Variants in ATG9B observed in about 807,000 individuals in gnomAD.
ATG9B encodes autophagy-related protein 9B.
In ATG9B, 92 loss-of-function variants were observed where a neutral mutation model predicts 92.9. The observed-to-expected ratio is 0.99, with a 90% CI of 0.84 to 1.18. The LOEUF is 1.18. Ranked by LOEUF, ATG9B falls within the 50% of genes most tolerant of loss-of-function variation. ATG9B has a pLI of 0.00. For synonymous variants in ATG9B, 599 were observed against 551.4 expected (o/e 1.09, Z -1.21); for missense variants, 1,344 against 1,235.0 (o/e 1.09, Z -1.32).
At position 151,016,698 on chromosome 7, in the gene ATG9B, G is replaced by T; in HGVS notation, c.2413C>A (p.Gln805Lys). 6.3e-7 allele frequency: 1 copy of T among 1,596,244 alleles called. No individual in the cohort carries two copies. The highest frequency in any genetic ancestry group is 2.3e-5 in the East Asian group (1 of 44,096). ...GCCTCCACTCCTCACCTGGGGTCCT[G>T]GGCAATTCGGGAAATGGAGGCAAGG... ...SLLASISRIAQDPSSVSPGGT... is the reference protein window; with the variant it reads ...SLLASISRIAKDPSSVSPGGT... The change falls in exon 10 of 14, where the codon CAG (glutamine) becomes AAG (lysine). Residue 805 changes from glutamine (Q) to lysine (K), a missense_variant. Gln to Lys is a moderately conservative substitution (Grantham distance 53). Coordinates refer to ENST00000639579, the MANE Select transcript of ATG9B (RefSeq NM_001317056.2).
In ATG9B at chr7:151,016,267, A is replaced by G. The variant is rs753207105; in HGVS notation, c.2521-32T>C. 1.1e-5 allele frequency: 16 copies of G among 1,476,320 alleles called. No homozygotes were observed. The East Asian group carries it at 2.0e-4, about 18-fold the overall frequency. The allele number at this position is 1,476,320 out of a possible 1,614,324, so 91.5% of individuals were successfully genotyped here. A position where few individuals can be genotyped will look rare whatever the true frequency, so the allele number is the denominator to read the frequency against. On this transcript the variant is annotated intron_variant, in intron 11 of 13. Coordinates refer to ENST00000639579, the MANE Select transcript of ATG9B (RefSeq NM_001317056.2). ...GGAAAGGAGGAGGAATGAGGGCTGC[A>G]CCCCAAGGAGGGCAGGGCCAAGCAC...
In ATG9B at chr7:151,021,344, G is replaced by A. The variant is rs776181173; in HGVS notation, c.822-15C>T. ...TGGAGCGGATCCTGTATGGGGTTGG[G>A]CGGGCAGTGGGGGAGAAAGGTGGGC... On this transcript the variant is annotated splice_polypyrimidine_tract_variant and intron_variant, in intron 4 of 13. Coordinates refer to ENST00000639579, the MANE Select transcript of ATG9B (RefSeq NM_001317056.2). The A allele has an allele frequency of 7.0e-6, 11 of 1,575,700 alleles. No individual in the cohort carries two copies. The African/African-American group carries it at 1.4e-4, about 19-fold the overall frequency.
chr7:151,024,259 AG>A lies in ATG9B; in HGVS notation c.164del (p.Pro55LeufsTer51). On this transcript the variant is annotated frameshift_variant, in exon 1 of 14. Coordinates refer to ENST00000639579, the MANE Select transcript of ATG9B (RefSeq NM_001317056.2). LOFTEE classifies it high-confidence loss of function. ...AGGGGGAGCTTCTTGTATGAGGGGCAGGGGACAGAGAGAAGATGGAGATCCT... is the reference window on the plus strand; with the variant it reads ...AGGGGGAGCTTCTTGTATGAGGGGCAGGGACAGAGAGAAGATGGAGATCCT... Reference protein sequence around the residue: ...GGRISIFSLSPAPHTRSSPSS... With the variant: ...GGRISIFSLSXAPHTRSSPSS... 6.8e-7 allele frequency: 1 copy of A among 1,465,642 alleles called. No homozygotes were observed. The highest frequency in any genetic ancestry group is 2.6e-5 in the Admixed American group (1 of 38,376). The allele number at this position is 1,465,642 out of a possible 1,614,324, so 90.8% of individuals were successfully genotyped here.
chr7:151,012,492 G>C (rs199658738), downstream of ATG9B: 992 of 1,609,086 alleles, frequency 6.2e-4, 6 homozygotes, highest in Non-Finnish European at 6.4e-4. Context: ...GGGACTAAAG[G>C]ACTGCCTGAA....
chr7:151,013,556 G>A (rs1429005861), downstream of ATG9B: 6 of 262,988 alleles, frequency 2.3e-5, no homozygotes, highest in East Asian at 1.0e-4. Flanking sequence ...GCCTCCTCCC[G>A]CCCCTGCCCC....
rs758682289 is a variant in ATG9B, at chr7:151,017,169, C to T, written c.2156G>A (p.Arg719His). ...AAACTTAGAGCTGTGCCCTGGGGGG[C>T]GCCAGAGTGGATGCGCCAGGGAGAA... Reference protein sequence around the residue: ...MRFSLAHPLWRPPGHSSKFLG... With the variant: ...MRFSLAHPLWHPPGHSSKFLG... Residue 719 changes from arginine to histidine, a missense_variant, in exon 9 of 14, where the codon CGC becomes CAC. Transcript: ENST00000639579. 7.8e-5 allele frequency: 126 copies of T among 1,612,950 alleles called. No homozygotes were observed. The highest frequency in any genetic ancestry group is 1.0e-4 in the Non-Finnish European group (118 of 1,179,786).
chr7:151,023,015 C>T (rs1461118113), intron 4 of ATG9B, 30 bp downstream of exon 4: 11 of 1,613,244 alleles, frequency 6.8e-6, no homozygotes, highest in South Asian at 5.5e-5. Flanking sequence ...CCATGCTTCA[C>T]CCCCAGGGCC....
At chr7:151,014,602 T>G (rs552808005), downstream of ATG9B, 170 of 152,734 alleles carry the variant, frequency 1.1e-3, 2 homozygotes, top group South Asian at 0.016. Context: ...GGATTACAGT[T>G]TTTTTTTTTT....
chr7:151,019,683 T>TC lies in ATG9B; in HGVS notation c.964-310dup, dbSNP rs1651027014. On this transcript the variant is annotated intron_variant, in intron 5 of 13. Transcript: ENST00000639579. ...ACGCCTCCAGGTGCTGGACCTGGCT[T>TC]CTCAGCTCCTTAAGGGCCTGAGGCC... Among the ~76,000 whole-genome samples, 7 of 152,194 alleles carry TC rather than the reference T, an allele frequency of 4.6e-5. No individual in the cohort carries two copies. In the South Asian group the frequency reaches 1.4e-3, roughly 31 times the overall value.
rs917068588 is a variant in ATG9B at position 151,016,535 on chromosome 7, A to G, written c.2424-8T>C. The G allele has an allele frequency of 1.8e-5, 28 of 1,550,162 alleles. No homozygotes were observed. The highest frequency in any genetic ancestry group is 2.7e-5 in the African/African-American group (2 of 73,014). ...CCTCCTGGGGACACAGAGCTGGAAC[A>G]TAACATGAAGCAGGTCAAAAGTCAT... On this transcript the variant is annotated splice_region_variant and splice_polypyrimidine_tract_variant and intron_variant, in intron 10 of 13. Coordinates refer to ENST00000639579, the MANE Select transcript of ATG9B (RefSeq NM_001317056.2).
In ATG9B at chr7:151,018,813, G is replaced by A. The variant is rs773085462; in HGVS notation, c.1525C>T (p.Pro509Ser). 3.6e-5 allele frequency: 46 copies of A among 1,293,216 alleles called. No individual in the cohort carries two copies. Among genetic ancestry groups the A allele is most frequent in the Non-Finnish European group, 4.2e-5 (43 of 1,023,620 alleles). 80.1% of individuals were successfully genotyped at this position (1,293,216 alleles called of 1,614,324 possible). A position where few individuals can be genotyped will look rare whatever the true frequency, so the allele number is the denominator to read the frequency against. ...LRARLARAYR[P>S]AAAFLRTAAP... is the part of the protein sequence containing the mutation. ...GCGGTGCGCAGGAAGGCGGCGGCGG[G>A]GCGGTAGGCGCGGGCCAGGCGCGCG... The change falls in exon 6 of 14, where the codon CCC becomes TCC. Residue 509 changes from proline to serine, a missense_variant. Pro to Ser is a moderately conservative substitution (Grantham distance 74). Coordinates refer to ENST00000639579, the MANE Select transcript of ATG9B (RefSeq NM_001317056.2). The surrounding 1 kb of genome is among the most constrained non-coding windows in gnomAD (Gnocchi z 4.7).
In ATG9B at chr7:151,016,130, TCTC is replaced by T. The variant is rs575751217; in HGVS notation, c.2623_2625del (p.Glu875del). 555 of 1,539,854 alleles carry T rather than the reference TCTC, an allele frequency of 3.6e-4. 2 individuals carry two copies. The South Asian group carries it at 3.7e-3, about 10-fold the overall frequency. ...TCACCGTCACTTGACCAGGATGGCT[TCTC>T]CTCATCAGGCGAGGGTGGCTGTGAG... On this transcript the variant is annotated inframe_deletion, in exon 12 of 14. Coordinates refer to ENST00000639579, the MANE Select transcript of ATG9B (RefSeq NM_001317056.2).
chr7:151,024,290 C>T lies in ATG9B; in HGVS notation c.134G>A (p.Gly45Glu), dbSNP rs934755292. Reference protein sequence around the residue: ...PPPPSCRGPGGGRISIFSLSP... With the variant: ...PPPPSCRGPGEGRISIFSLSP... Reference sequence around the variant, plus strand: ...CAGAGAGAAGATGGAGATCCTCCCTCCCCCAGGTCCCCGGCATGAAGGAGG... The same window carrying T: ...CAGAGAGAAGATGGAGATCCTCCCTTCCCCAGGTCCCCGGCATGAAGGAGG... Residue 45 changes from glycine to glutamate, a missense_variant, in exon 1 of 14, where the codon GGA becomes GAA. Physicochemically the swap from Gly to Glu is moderately conservative, Grantham distance 98. Coordinates refer to ENST00000639579, the MANE Select transcript of ATG9B (RefSeq NM_001317056.2). The T allele has an allele frequency of 1.9e-5, 27 of 1,426,458 alleles. No individual in the cohort carries two copies. Among genetic ancestry groups the T allele is most frequent in the South Asian group, 3.3e-5 (2 of 60,656 alleles). 88.4% of individuals were successfully genotyped at this position (1,426,458 alleles called of 1,614,324 possible). A position where few individuals can be genotyped will look rare whatever the true frequency, so the allele number is the denominator to read the frequency against.
downstream of ATG9B, chr7:151,013,479 C>A: frequency 7.0e-7 from 1 of 1,420,192 alleles, no homozygotes; most frequent in Non-Finnish European, 9.5e-7. Context: ...CTCCCGTGGC[C>A]TCCCACGACC....
chr7:151,012,271 C>T, downstream of ATG9B: 1 of 1,332,290 alleles, frequency 7.5e-7, no homozygotes, highest in Non-Finnish European at 1.0e-6. Flanking sequence ...TTGGGTCCTC[C>T]TTGCTCCACC....
chr7:151,019,193 GGGCAGCGGGCC>G lies in ATG9B; in HGVS notation c.1134_1144del (p.Arg380AlafsTer81), dbSNP rs1400058493. On this transcript the variant is annotated frameshift_variant, in exon 6 of 14. Transcript: ENST00000639579. LOFTEE classifies it high-confidence loss of function. Reference sequence around the variant, plus strand: ...AGCCGCACTGCCTCCCCAGGGCAGCGGGCAGCGGGCCGGCAGCAGGCCTTTGTTGGCCAGCG... The same window carrying G: ...AGCCGCACTGCCTCCCCAGGGCAGCGGGCAGCAGGCCTTTGTTGGCCAGCG... 7 of 1,537,540 alleles carry G rather than the reference GGGCAGCGGGCC, an allele frequency of 4.6e-6. No individual in the cohort carries two copies. Among genetic ancestry groups the G allele is most frequent in the Non-Finnish European group, 5.2e-6 (6 of 1,146,804 alleles).
At chr7:151,013,122 T>C, downstream of ATG9B, 1 of 1,222,390 alleles carries the variant, frequency 8.2e-7, no homozygotes, top group East Asian at 2.4e-5. Flanking sequence ...TAATGGTGGT[T>C]TCAGCCCAAA....
chr7:151,019,172 G>A lies in ATG9B; in HGVS notation c.1166C>T (p.Ala389Val). ...ARCPLPWGGSAAFLSRGLALN... is the reference protein window; with the variant it reads ...ARCPLPWGGSVAFLSRGLALN... ...CGCCAGGCCGCGGCTGAGGAAAGCC[G>A]CACTGCCTCCCCAGGGCAGCGGGCA... is the stretch of plus-strand genomic sequence containing the variant. The change falls in exon 6 of 14, where the codon GCG becomes GTG. Residue 389 changes from alanine (A) to valine (V), a missense_variant. Coordinates refer to ENST00000639579, the MANE Select transcript of ATG9B (RefSeq NM_001317056.2). 1 of 1,536,744 alleles carries A rather than the reference G, an allele frequency of 6.5e-7. No homozygotes were observed. The highest frequency in any genetic ancestry group is 8.7e-7 in the Non-Finnish European group (1 of 1,146,668).
intron 4 of ATG9B, among the ~76,000 whole-genome samples, chr7:151,022,839 A>G (rs1795800472): frequency 6.8e-6 from 1 of 146,054 alleles, no homozygotes; most frequent in African/African-American, 2.7e-5. Context: ...TCTGTCTTAA[A>G]AAAAAAAAAA....
Sources: allele counts gnomAD v4.1 joint callset (sites outside exome capture counted in the v4.1 genomes callset), GRCh38; gene constraint gnomAD v4.1.1; non-coding constraint Gnocchi (gnomAD v3.1); transcripts MANE v1.5; gene names NCBI Gene and HGNC (gene_info 2026-07-23, HGNC 2026-07-21).